The following ACTL8 variants were observed in gnomAD, a reference collection of about 807,000 sequenced individuals.
The protein encoded by ACTL8 is actin-like protein 8.
ACTL8 carries 3 observed loss-of-function variants against 9.3 expected under a neutral mutation model. That is an observed-to-expected ratio of 0.32 (90% confidence interval 0.15 to 0.83). The LOEUF (loss-of-function observed/expected upper bound fraction) is 0.83, where lower values mean the gene tolerates loss of function less well. Among genes scored for constraint, ACTL8 ranks in the 40% least tolerant of loss-of-function variants. The pLI, the probability that ACTL8 is intolerant of heterozygous loss-of-function variation, is 0.57. For missense variants in ACTL8, 381 were observed against 492.2 expected, an observed-to-expected ratio of 0.77 and a Z score of 2.14; for synonymous variants, 224 against 205.9, an observed-to-expected ratio of 1.09 and a Z score of -0.75.
chr1:17,824,730 A>G (rs1430221285), intron 2 of ACTL8, among the ~76,000 whole-genome samples: 2 of 152,174 alleles, frequency 1.3e-5, no homozygotes, highest in Admixed American at 1.3e-4. Flanking sequence ...GAATTTGGCA[A>G]CCCTTACTGT....
rs190113039 is a variant in ACTL8, at chr1:17,801,355, A to G, written c.-24-21630A>G. Among the ~76,000 whole-genome samples the G allele has an allele frequency of 1.9e-3, 293 of 152,344 alleles. 2 individuals are homozygous for G. Among genetic ancestry groups the G allele is most frequent in the African/African-American group, 6.5e-3 (270 of 41,570 alleles). On this transcript the variant is annotated intron_variant, in intron 1 of 2. Transcript: ENST00000375406. ...AATTCTAGATATTTAAAGCTGTAAA[A>G]CAAGATAACAAACTGTTAAACATCT...
In ACTL8 at chr1:17,818,779, T is replaced by C. The variant is rs560617432; in HGVS notation, c.-24-4206T>C. 1.4e-4 allele frequency among the ~76,000 whole-genome samples: 21 copies of C among 152,358 alleles called. No individual in the cohort carries two copies. The East Asian group carries it at 4.1e-3, about 29-fold the overall frequency. On this transcript the variant is annotated intron_variant, in intron 1 of 2. Transcript: ENST00000375406. ...CTGTCCTTACCAGGTTTTCTTTTTC[T>C]CCGCTGTACTGATCTTCCCTGACAT... is the stretch of plus-strand genomic sequence containing the variant.
intron 1 of ACTL8, among the ~76,000 whole-genome samples, chr1:17,803,774 C>A (rs1019058055): frequency 3.3e-5 from 5 of 152,162 alleles, no homozygotes; most frequent in African/African-American, 1.2e-4. Flanking sequence ...ACTGTAAAGG[C>A]AGACAGAGTG....
chr1:17,777,780 C>A lies in ACTL8; in HGVS notation c.-25+22276C>A, dbSNP rs141903706. Among the ~76,000 whole-genome samples the A allele has an allele frequency of 8.7e-3, 1,318 of 152,314 alleles. 16 individuals are homozygous for A. Among genetic ancestry groups the A allele is most frequent in the African/African-American group, 0.03 (1,246 of 41,570 alleles). ...GTGGTGCAATCTCAGCTCACTGCAACCTCCGCCTCTGGAGTTCAAGCGATT... is the reference window on the plus strand; with the variant it reads ...GTGGTGCAATCTCAGCTCACTGCAAACTCCGCCTCTGGAGTTCAAGCGATT... On this transcript the variant is annotated intron_variant, in intron 1 of 2. Coordinates refer to ENST00000375406, the MANE Select transcript of ACTL8 (RefSeq NM_030812.3).
chr1:17,759,360 A>C (rs2065987685), intron 1 of ACTL8, among the ~76,000 whole-genome samples: 1 of 152,234 alleles, frequency 6.6e-6, no homozygotes. Flanking sequence ...CGTGCCGCTC[A>C]GTGCTGGCTG....
chr1:17,765,444 C>G (rs2066037368), intron 1 of ACTL8, among the ~76,000 whole-genome samples: 1 of 152,114 alleles, frequency 6.6e-6, no homozygotes, highest in Non-Finnish European at 1.5e-5. Context: ...ATTAACTCAT[C>G]AGACACTCGC....
intron 1 of ACTL8, among the ~76,000 whole-genome samples, chr1:17,796,948 T>G (rs12406582): frequency 0.21 from 32,697 of 152,226 alleles, 4,345 homozygotes; most frequent in Admixed American, 0.38. Flanking sequence ...AGCAGAAGTC[T>G]GCTCTCTGCT....
chr1:17,781,107 C>G (rs2066151738), intron 1 of ACTL8, among the ~76,000 whole-genome samples: 1 of 152,146 alleles, frequency 6.6e-6, no homozygotes, highest in Non-Finnish European at 1.5e-5. Context: ...CCTCTTCCAG[C>G]TTCTGGGGAA....
intron 1 of ACTL8, among the ~76,000 whole-genome samples, chr1:17,792,214 AG>A (rs1045593815): frequency 2.8e-4 from 43 of 152,230 alleles, no homozygotes; most frequent in African/African-American, 9.9e-4. Context: ...CTCGCTGCTC[AG>A]TACCTTACCT....
intron 1 of ACTL8, among the ~76,000 whole-genome samples, chr1:17,804,090 T>TTCA (rs764855239): frequency 8.5e-5 from 13 of 152,196 alleles, no homozygotes; most frequent in Non-Finnish European, 1.6e-4. Flanking sequence ...CCAAAGGTAG[T>TTCA]TCATGCTTCA....
At chr1:17,787,730 C>T (rs986876057) in intron 1 of ACTL8, among the ~76,000 whole-genome samples, 7 of 151,800 alleles carry the variant, frequency 4.6e-5, no homozygotes, top group African/African-American at 1.7e-4. Context: ...GCACATACAT[C>T]CTACAGAGCT....
rs529448204 is a variant in ACTL8, at chr1:17,798,987, G to A, written c.-24-23998G>A. ...ACTGCTGTGAAGTCCACTCACGAGCGAGCTCTCCACGGATGCATTCCTGGC... is the reference window on the plus strand; with the variant it reads ...ACTGCTGTGAAGTCCACTCACGAGCAAGCTCTCCACGGATGCATTCCTGGC... On this transcript the variant is annotated intron_variant, in intron 1 of 2. Coordinates refer to ENST00000375406, the MANE Select transcript of ACTL8 (RefSeq NM_030812.3). Among the ~76,000 whole-genome samples, 144 of 152,150 alleles carry A rather than the reference G, an allele frequency of 9.5e-4. 1 individual carries two copies. Among genetic ancestry groups the A allele is most frequent in the Non-Finnish European group, 1.7e-3 (114 of 68,020 alleles).
chr1:17,757,563 AC>A (rs1203745276), intron 1 of ACTL8, among the ~76,000 whole-genome samples: 3 of 148,822 alleles, frequency 2.0e-5, no homozygotes, highest in Non-Finnish European at 3.0e-5. Flanking sequence ...CTGTTAAGAA[AC>A]CCTGTGATAA....
At chr1:17,818,484 G>T (rs1377932751) in intron 1 of ACTL8, among the ~76,000 whole-genome samples, 1 of 152,194 alleles carries the variant, frequency 6.6e-6, no homozygotes, top group African/African-American at 2.4e-5. Context: ...ACAGAGGCTT[G>T]CAAGGCCCTT....
rs377265531 is a variant in ACTL8 at position 17,796,893 on chromosome 1, G to A, written c.-24-26092G>A. ...AGAATGATAGAGTTTGCACAGCACC[G>A]GCACTGCCGTGGCAAGTGGGCCAGC... On this transcript the variant is annotated intron_variant, in intron 1 of 2. Coordinates refer to ENST00000375406, the MANE Select transcript of ACTL8 (RefSeq NM_030812.3). Among the ~76,000 whole-genome samples, 5 of 152,320 alleles carry A rather than the reference G, an allele frequency of 3.3e-5. 1 individual carries two copies. The highest frequency in any genetic ancestry group is 1.9e-4 in the East Asian group (1 of 5,182).
chr1:17,812,515 C>T (rs1349297717), intron 1 of ACTL8, among the ~76,000 whole-genome samples: 3 of 150,756 alleles, frequency 2.0e-5, no homozygotes, highest in Non-Finnish European at 3.0e-5. Context: ...CTGCAACCTC[C>T]GCCTCCCGGG....
intron 1 of ACTL8, 59 bp downstream of exon 1, chr1:17,755,563 T>G (rs1569982686): frequency 6.6e-6 from 1 of 151,754 alleles, no homozygotes; most frequent in Non-Finnish European, 1.5e-5. Context: ...ACTGTTTTTT[T>G]TTTTTTTTTT....
chr1:17,766,834 G>A (rs893204176), intron 1 of ACTL8, among the ~76,000 whole-genome samples: 2 of 152,102 alleles, frequency 1.3e-5, no homozygotes, highest in Non-Finnish European at 2.9e-5. Context: ...TTTCTCAGGG[G>A]TGTTCATTTG....
chr1:17,824,890 T>A (rs538502627), intron 2 of ACTL8, among the ~76,000 whole-genome samples: 3 of 152,124 alleles, frequency 2.0e-5, no homozygotes, highest in Admixed American at 6.5e-5. Flanking sequence ...GAGAAATGGC[T>A]GGTGGGGGGA....
Sources: allele counts gnomAD v4.1 joint callset (sites outside exome capture counted in the v4.1 genomes callset), GRCh38; gene constraint gnomAD v4.1.1; transcripts MANE v1.5; gene names NCBI Gene and HGNC (gene_info 2026-07-23, HGNC 2026-07-21).